PTPRJ: variants seen among roughly 807,000 people sequenced by gnomAD.
The protein encoded by PTPRJ is protein tyrosine phosphatase receptor type J.
A neutral mutation model predicts 141.3 loss-of-function variants in PTPRJ; 129 were observed. That is an observed-to-expected ratio of 0.91 (90% CI 0.79 to 1.06). PTPRJ has a LOEUF of 1.06. PTPRJ is among the 50% of genes least tolerant of loss of function. The pLI is 0.00. For synonymous variants in PTPRJ, 610 were observed against 640.5 expected (o/e 0.95, Z 0.72); for missense variants, 1,601 against 1,679.7 (o/e 0.95, Z 0.82).
intron 1 of PTPRJ, among the ~76,000 whole-genome samples, chr11:48,039,882 G>A (rs1305416059): frequency 4.0e-5 from 6 of 151,694 alleles, no homozygotes; most frequent in African/African-American, 1.2e-4. Context: ...TCCGCTTCCC[G>A]GGTTCAAGCG....
chr11:48,099,811 A>C (rs1375555566), intron 1 of PTPRJ, among the ~76,000 whole-genome samples: 1 of 152,058 alleles, frequency 6.6e-6, no homozygotes, highest in Non-Finnish European at 1.5e-5. Flanking sequence ...GCCTTTGCTG[A>C]TGGTTGTATT....
At chr11:48,123,945 T>C (rs1856773633) in intron 5 of PTPRJ, 75 bp downstream of exon 5, 1 of 1,473,106 alleles carries the variant, frequency 6.8e-7, no homozygotes, top group Admixed American at 2.1e-5. Context: ...AAAAAATAAA[T>C]TGCTCTTCCA....
At chr11:48,121,597 C>T (rs2134339833) in intron 4 of PTPRJ, among the ~76,000 whole-genome samples, 1 of 152,296 alleles carries the variant, frequency 6.6e-6, no homozygotes, top group Middle Eastern at 3.4e-3. Context: ...GCCTTTTAAG[C>T]TCCCAGGAAA....
intron 8 of PTPRJ, among the ~76,000 whole-genome samples, chr11:48,133,574 G>A (rs558748201): frequency 2.6e-5 from 4 of 152,186 alleles, no homozygotes; most frequent in Non-Finnish European, 4.4e-5. Flanking sequence ...AAAAGGAAAC[G>A]AATACCATAT....
intron 12 of PTPRJ, 110 bp downstream of exon 12, chr11:48,143,160 A>T: frequency 7.2e-7 from 1 of 1,391,036 alleles, no homozygotes; most frequent in East Asian, 2.3e-5. Context: ...CTGTCTTCTC[A>T]CTGCAGCCTA....
chr11:48,116,978 T>C (rs1477845427), intron 3 of PTPRJ, among the ~76,000 whole-genome samples: 1 of 152,214 alleles, frequency 6.6e-6, no homozygotes, highest in Non-Finnish European at 1.5e-5. Context: ...AAAATGCTTG[T>C]ACAGCCCCTG....
chr11:47,999,226 G>C (rs188549145), intron 1 of PTPRJ, among the ~76,000 whole-genome samples: 130 of 152,314 alleles, frequency 8.5e-4, no homozygotes, highest in African/African-American at 3.0e-3. Flanking sequence ...AGAGAGGCAA[G>C]GAGTGGCACA....
intron 1 of PTPRJ, among the ~76,000 whole-genome samples, chr11:48,049,003 T>A (rs943110202): frequency 2.0e-5 from 3 of 152,150 alleles, no homozygotes; most frequent in Non-Finnish European, 4.4e-5. Context: ...GCACAGTTGC[T>A]GCTTGGAATA....
intron 1 of PTPRJ, among the ~76,000 whole-genome samples, chr11:48,024,149 A>G (rs1392367316): frequency 6.6e-6 from 1 of 151,746 alleles, no homozygotes; most frequent in African/African-American, 2.4e-5. Context: ...TGCTCCCCAA[A>G]TAGACTGTTT....
At chr11:48,004,298 C>G (rs140334770) in intron 1 of PTPRJ, among the ~76,000 whole-genome samples, 1 of 152,224 alleles carries the variant, frequency 6.6e-6, no homozygotes, top group African/African-American at 2.4e-5. Context: ...TCCTCCCCTG[C>G]GTCCTCCCTA....
At chr11:48,008,220 C>T (rs1217225787) in intron 1 of PTPRJ, among the ~76,000 whole-genome samples, 1 of 152,162 alleles carries the variant, frequency 6.6e-6, no homozygotes, top group Non-Finnish European at 1.5e-5. Context: ...AGGCTGAGCC[C>T]ATGCCTGCTT....
Position 47,980,644 on chromosome 11 carries a change from C to T in PTPRJ, c.-269C>T. 3.0e-6 allele frequency: 3 copies of T among 984,384 alleles called. No individual in the cohort carries two copies. The highest frequency in any genetic ancestry group is 3.6e-6 in the Non-Finnish European group (3 of 830,328). 61.0% of individuals were successfully genotyped at this position (984,384 alleles called of 1,614,324 possible). A position where few individuals can be genotyped will look rare whatever the true frequency, so the allele number is the denominator to read the frequency against. Reference sequence around the variant, plus strand: ...GTAGCCGCGCGCTGGGGGTGGGCGCCGCTCGCTCCGCCCCGCGAAGCCCCT... The same window carrying T: ...GTAGCCGCGCGCTGGGGGTGGGCGCTGCTCGCTCCGCCCCGCGAAGCCCCT... On this transcript the variant is annotated 5_prime_UTR_variant, in exon 1 of 25. Transcript: ENST00000418331.
intron 1 of PTPRJ, chr11:48,046,165 G>C (rs1161204444): frequency 6.6e-6 from 1 of 152,038 alleles, no homozygotes; most frequent in African/African-American, 2.4e-5. Flanking sequence ...TCCCACCTGA[G>C]CCTCCCGAGT....
intron 1 of PTPRJ, among the ~76,000 whole-genome samples, chr11:48,089,858 C>T (rs763039566): frequency 7.2e-5 from 11 of 152,162 alleles, no homozygotes; most frequent in Admixed American, 7.2e-4. Flanking sequence ...CTATATCTGG[C>T]TGCTAGAGCC....
intron 1 of PTPRJ, among the ~76,000 whole-genome samples, chr11:47,995,240 A>C (rs1854302357): frequency 6.6e-6 from 1 of 152,244 alleles, no homozygotes; most frequent in African/African-American, 2.4e-5. Context: ...AGTAGCTACC[A>C]TCGGTTGAAT....
At chr11:48,113,178 A>G (rs1414010777) in intron 3 of PTPRJ, among the ~76,000 whole-genome samples, 195 bp downstream of exon 3, 1 of 152,232 alleles carries the variant, frequency 6.6e-6, no homozygotes, top group African/African-American at 2.4e-5. Context: ...CATTAACTGG[A>G]GATAACCATT....
intron 1 of PTPRJ, among the ~76,000 whole-genome samples, chr11:48,103,993 G>A (rs2134316571): frequency 6.6e-6 from 1 of 152,310 alleles, no homozygotes; most frequent in Admixed American, 6.5e-5. Context: ...GGCATTTTTG[G>A]GACCTGGAAT....
rs1297289527 is a variant in PTPRJ, at chr11:48,057,195, G to C, written c.97-52863G>C. On this transcript the variant is annotated intron_variant, in intron 1 of 24. Coordinates refer to ENST00000418331, the MANE Select transcript of PTPRJ (RefSeq NM_002843.4). ...ATTGCCTGGTGTGGTGCGCGGCTGT[G>C]AGTGCTTAATAATAGGTGCTTAGGC... 2.6e-5 allele frequency among the ~76,000 whole-genome samples: 4 copies of C among 152,316 alleles called. No individual in the cohort carries two copies. In the East Asian group the frequency reaches 7.7e-4, roughly 29 times the overall value.
At chr11:48,157,150 A>T (rs1857632495) in intron 21 of PTPRJ, among the ~76,000 whole-genome samples, 1 of 151,858 alleles carries the variant, frequency 6.6e-6, no homozygotes, top group Non-Finnish European at 1.5e-5. Flanking sequence ...CACCATGCCC[A>T]GCTACTTTTT....
Sources: allele counts gnomAD v4.1 joint callset (sites outside exome capture counted in the v4.1 genomes callset), GRCh38; gene constraint gnomAD v4.1.1; transcripts MANE v1.5; gene names NCBI Gene and HGNC (gene_info 2026-07-23, HGNC 2026-07-21).